The following MAP3K13 variants were observed in gnomAD, a reference collection of about 807,000 sequenced individuals.
The protein encoded by MAP3K13 is leucine zipper-bearing kinase.
A neutral mutation model predicts 104.0 loss-of-function variants in MAP3K13; 52 were observed. The ratio of observed to expected loss-of-function variants is 0.50; its 90% CI spans 0.40 to 0.63. MAP3K13 has a LOEUF of 0.63. MAP3K13 is among the 20% of genes least tolerant of loss of function. The probability of loss-of-function intolerance (pLI) is 0.00; values close to 1 mark genes in which losing one functional copy is unlikely to be tolerated. For missense variants in MAP3K13, 914 were observed against 1,218.5 expected, an observed-to-expected ratio of 0.75 and a Z score of 3.72; for synonymous variants, 394 against 442.2, an observed-to-expected ratio of 0.89 and a Z score of 1.37.
At position 185,485,067 on chromosome 3, in the gene MAP3K13, A is replaced by G. The variant is rs1362640717; in HGVS notation, c.*2611A>G. ...ATCATGAAAGCTCCTGGGTGGGCCG[A>G]TGACCCCCAGGATGTCAAATAGTGG... On this transcript the variant is annotated 3_prime_UTR_variant, in exon 14 of 14. Transcript: ENST00000265026. The G allele has an allele frequency of 6.6e-6, 1 of 152,204 alleles. No homozygotes were observed. The highest frequency in any genetic ancestry group is 1.9e-4 in the East Asian group (1 of 5,206). 9.4% of individuals were successfully genotyped at this position (152,204 alleles called of 1,614,324 possible). A position where few individuals can be genotyped will look rare whatever the true frequency, so the allele number is the denominator to read the frequency against.
chr3:185,307,552 C>CT (rs1665718906), intron 2 of MAP3K13, among the ~76,000 whole-genome samples: 3 of 134,458 alleles, frequency 2.2e-5, no homozygotes, highest in African/African-American at 8.8e-5. Context: ...CCCCCTCCCC[C>CT]GCCACCCCGA....
chr3:185,439,033 T>C (rs1369903824), intron 3 of MAP3K13, among the ~76,000 whole-genome samples: 1 of 152,176 alleles, frequency 6.6e-6, no homozygotes, highest in Non-Finnish European at 1.5e-5. Context: ...AAATGTCATG[T>C]GATAAGTCTT....
chr3:185,293,890 C>T (rs1720830637), intron 2 of MAP3K13, among the ~76,000 whole-genome samples: 1 of 152,100 alleles, frequency 6.6e-6, no homozygotes, highest in Admixed American at 6.5e-5. Flanking sequence ...TTTTGTAGCA[C>T]AGAGAAAGCC....
At chr3:185,354,332 A>G (rs1723259381) in intron 2 of MAP3K13, among the ~76,000 whole-genome samples, 1 of 150,304 alleles carries the variant, frequency 6.7e-6, no homozygotes, top group Non-Finnish European at 1.5e-5. Context: ...TGTAGGCTTC[A>G]AACCGGGGCA....
Position 185,465,834 on chromosome 3 carries a change from G to C in MAP3K13, c.1476G>C (p.Gln492His), listed in dbSNP as rs779634289. The C allele has an allele frequency of 1.2e-6, 2 of 1,613,986 alleles. No individual in the cohort carries two copies. Among genetic ancestry groups the C allele is most frequent in the East Asian group, 2.2e-5 (1 of 44,882 alleles). ...LYMELSAIML[Q>H]LEMREKELIK... ...TGGAATTGAGTGCCATCATGCTGCAGCTAGAAATGCGGGAGAAGGAGCTCA... is the reference window on the plus strand; with the variant it reads ...TGGAATTGAGTGCCATCATGCTGCACCTAGAAATGCGGGAGAAGGAGCTCA... The change falls in exon 9 of 14, where the codon CAG becomes CAC. Residue 492 changes from glutamine (Q) to histidine (H), a missense_variant. Gln to His is a conservative substitution (Grantham distance 24). Around this residue, in one of 3 missense-constraint regions of MAP3K13, gnomAD observed 583 missense variants for 737.4 expected, o/e 0.79. Coordinates refer to ENST00000265026, the MANE Select transcript of MAP3K13 (RefSeq NM_004721.5).
chr3:185,450,067 A>G lies in MAP3K13; in HGVS notation c.1169+9A>G. 1 of 1,602,816 alleles carries G rather than the reference A, an allele frequency of 6.2e-7. No homozygotes were observed. Among genetic ancestry groups the G allele is most frequent in the Non-Finnish European group, 8.5e-7 (1 of 1,175,598 alleles). ...CTTATGAAACAGACGTGGTAAGAATATTGTCTCTAAAACAATAGGGAGGTC... is the reference window on the plus strand; with the variant it reads ...CTTATGAAACAGACGTGGTAAGAATGTTGTCTCTAAAACAATAGGGAGGTC... On this transcript the variant is annotated intron_variant, in intron 6 of 13. Transcript: ENST00000265026. This position sits in a 1 kb window ranked among gnomAD's most constrained non-coding sequence, Gnocchi z 4.2.
intron 1 of MAP3K13, among the ~76,000 whole-genome samples, chr3:185,416,381 G>A (rs1713770399): frequency 1.3e-5 from 2 of 151,590 alleles, no homozygotes; most frequent in Non-Finnish European, 2.9e-5. Context: ...AATATTGAGG[G>A]TAAATGTGTT....
intron 1 of MAP3K13, among the ~76,000 whole-genome samples, chr3:185,388,107 C>A (rs1711802820): frequency 6.6e-6 from 1 of 151,122 alleles, no homozygotes; most frequent in Non-Finnish European, 1.5e-5. Flanking sequence ...GAAAACAATC[C>A]CATTTACAAT....
chr3:185,412,759 C>T (rs781671858), intron 1 of MAP3K13, among the ~76,000 whole-genome samples: 6 of 152,138 alleles, frequency 3.9e-5, no homozygotes, highest in African/African-American at 2.4e-5. Flanking sequence ...TATTAAAATT[C>T]GACATTGGAT....
chr3:185,388,735 T>G (rs962013603), intron 1 of MAP3K13, among the ~76,000 whole-genome samples: 12 of 151,976 alleles, frequency 7.9e-5, no homozygotes, highest in African/African-American at 1.2e-4. Context: ...AAAGCAATAC[T>G]GAACAAAAAG....
chr3:185,325,077 A>G (rs969966020), intron 2 of MAP3K13, among the ~76,000 whole-genome samples: 1 of 152,212 alleles, frequency 6.6e-6, no homozygotes, highest in Non-Finnish European at 1.5e-5. Flanking sequence ...TGACTGTTCA[A>G]TGTTTATTTA....
upstream of MAP3K13, chr3:185,362,935 A>ACACACACACACACACACACACG (rs1356801731): frequency 1.0e-5 from 1 of 98,486 alleles, no homozygotes; most frequent in African/African-American, 3.1e-5. Flanking sequence ...CTTGAAACAC[A>ACACACACACACACACACACACG]CACACACACA....
At chr3:185,399,899 T>C (rs35529448) in intron 1 of MAP3K13, among the ~76,000 whole-genome samples, 106,973 of 151,534 alleles carry the variant, frequency 0.71, 38,362 homozygotes, top group Non-Finnish European at 0.78. Flanking sequence ...GTGGTAGCAT[T>C]GAATCCTCCA....
At chr3:185,375,160 C>A (rs1724362632) in intron 1 of MAP3K13, among the ~76,000 whole-genome samples, 1 of 152,158 alleles carries the variant, frequency 6.6e-6, no homozygotes, top group African/African-American at 2.4e-5. Flanking sequence ...GGAATTATGT[C>A]TGACAGAAGG....
chr3:185,377,958 C>A (rs1420197963), intron 1 of MAP3K13, among the ~76,000 whole-genome samples: 6 of 152,180 alleles, frequency 3.9e-5, no homozygotes, highest in Non-Finnish European at 7.3e-5. Flanking sequence ...TGCGGGCATT[C>A]CTTGGCCCAG....
intron 2 of MAP3K13, among the ~76,000 whole-genome samples, chr3:185,298,389 C>T (rs1295286804): frequency 6.6e-6 from 1 of 152,040 alleles, no homozygotes; most frequent in African/African-American, 2.4e-5. Flanking sequence ...TGAGGAGAAA[C>T]ATTAAGAACA....
At chr3:185,434,157 AAAATT>A (rs1306108453) in intron 2 of MAP3K13, among the ~76,000 whole-genome samples, 1 of 152,162 alleles carries the variant, frequency 6.6e-6, no homozygotes, top group Non-Finnish European at 1.5e-5. Context: ...CAAAAATAAT[AAAATT>A]AAAAGAAAAA....
chr3:185,460,019 C>T (rs941922813), intron 7 of MAP3K13, among the ~76,000 whole-genome samples: 6 of 152,162 alleles, frequency 3.9e-5, no homozygotes, highest in Admixed American at 2.6e-4. Flanking sequence ...TCAAGGTTCA[C>T]GTATTTTGTA....
At chr3:185,456,453 C>G (rs563751695) in intron 7 of MAP3K13, among the ~76,000 whole-genome samples, 2 of 152,042 alleles carry the variant, frequency 1.3e-5, no homozygotes, top group African/African-American at 2.4e-5. Context: ...ATGTAGGTAT[C>G]GGGGCACTGG....
Sources: gnomAD v4.1 joint callset for allele counts (sites outside exome capture counted in the v4.1 genomes callset) on GRCh38, gnomAD v4.1.1 for gene constraint, gnomAD v4.1.1 regional missense constraint, Gnocchi (gnomAD v3.1) non-coding constraint, MANE v1.5 for transcripts, NCBI Gene and HGNC (gene_info 2026-07-23, HGNC 2026-07-21) for gene names.